KLHL6: variants seen among roughly 807,000 people sequenced by gnomAD.
KLHL6 encodes kelch like family member 6, also known as kelch-like protein 6.
In KLHL6, 41 loss-of-function variants were observed where a neutral mutation model predicts 58.6. The ratio of observed to expected loss-of-function variants is 0.70; its 90% confidence interval spans 0.55 to 0.91. KLHL6 has a LOEUF of 0.91. KLHL6 is among the 40% of genes least tolerant of loss of function. The pLI, the probability that KLHL6 is intolerant of heterozygous loss-of-function variation, is 0.00. For missense variants in KLHL6, 714 were observed against 805.6 expected (o/e 0.89, Z 1.38); for synonymous variants, 338 against 322.7 (o/e 1.05, Z -0.51).
At chr3:183,546,236 T>A (rs528768721) in intron 1 of KLHL6, among the ~76,000 whole-genome samples, 2 of 152,360 alleles carry the variant, frequency 1.3e-5, no homozygotes, top group African/African-American at 4.8e-5. Flanking sequence ...CTCTGATGCC[T>A]ATGTGACAAG....
At chr3:183,527,138 A>AG (rs1244985365) in intron 2 of KLHL6, among the ~76,000 whole-genome samples, 34 of 152,094 alleles carry the variant, frequency 2.2e-4, no homozygotes, top group Admixed American at 2.0e-3. Flanking sequence ...ACCAAAAAAA[A>AG]GGATATTAAA....
In KLHL6 at chr3:183,490,005, T is replaced by C. The variant is rs1230517639; in HGVS notation, c.*1922A>G. The C allele has an allele frequency of 5.3e-5, 8 of 152,182 alleles. No individual in the cohort carries two copies. The East Asian group carries it at 1.5e-3, about 29-fold the overall frequency. 9.4% of individuals were successfully genotyped at this position (152,182 alleles called of 1,614,324 possible). On this transcript the variant is annotated 3_prime_UTR_variant, in exon 7 of 7. Transcript: ENST00000341319. ...ATCATATGATGAAAATAAAGTCCAT[T>C]GGGTAACGCAGTTACTATGTTGTTA...
chr3:183,510,975 G>A (rs1351651518), intron 2 of KLHL6, among the ~76,000 whole-genome samples: 6 of 152,142 alleles, frequency 3.9e-5, no homozygotes, highest in Non-Finnish European at 7.3e-5. Context: ...CAGGTGGGAC[G>A]AGAGACTGAG....
intron 2 of KLHL6, among the ~76,000 whole-genome samples, chr3:183,526,838 C>G (rs1258752028): frequency 6.6e-6 from 1 of 152,168 alleles, no homozygotes; most frequent in African/African-American, 2.4e-5. Context: ...ATGGCTCATG[C>G]CTGTAATCCC....
Position 183,491,664 on chromosome 3 carries a change from G to A in KLHL6, c.*263C>T. 2.8e-6 allele frequency: 1 copy of A among 361,210 alleles called. No individual in the cohort carries two copies. Among genetic ancestry groups the A allele is most frequent in the East Asian group, 4.1e-5 (1 of 24,308 alleles). 22.4% of individuals were successfully genotyped at this position (361,210 alleles called of 1,614,324 possible). A position where few individuals can be genotyped will look rare whatever the true frequency, so the allele number is the denominator to read the frequency against. On this transcript the variant is annotated 3_prime_UTR_variant, in exon 7 of 7. Coordinates refer to ENST00000341319, the MANE Select transcript of KLHL6 (RefSeq NM_130446.4). ...ATAAAAGGAAGTGCCTGGCACAGAA[G>A]CCGGCATAGGGTGGGTGGGTCCTGA...
At chr3:183,533,525 C>A (rs140886741) in intron 1 of KLHL6, among the ~76,000 whole-genome samples, 3 of 152,030 alleles carry the variant, frequency 2.0e-5, no homozygotes, top group African/African-American at 7.2e-5. Flanking sequence ...CCTTCCTCAG[C>A]TTCCCAAAGT....
Position 183,494,245 on chromosome 3 carries a change from T to G in KLHL6, c.1184A>C (p.Asn395Thr), listed in dbSNP as rs1449820106. 6.2e-7 allele frequency: 1 copy of G among 1,614,060 alleles called. No individual in the cohort carries two copies. The highest frequency in any genetic ancestry group is 1.7e-5 in the Admixed American group (1 of 60,024). The change falls in exon 5 of 7, where the codon AAT (asparagine) becomes ACT (threonine). Residue 395 changes from asparagine (N) to threonine (T), a missense_variant. Asn to Thr is a moderately conservative substitution (Grantham distance 65). Coordinates refer to ENST00000341319, the MANE Select transcript of KLHL6 (RefSeq NM_130446.4). ...CTGAATCCACTTGTTGATCGAAGAA[T>G]TATATTTCCAAACATCATGCTGTGT... is the stretch of plus-strand genomic sequence containing the variant. ...KETQHDVWKY[N>T]SSINKWIQIE...
At chr3:183,501,271 C>G (rs879553273) in intron 3 of KLHL6, among the ~76,000 whole-genome samples, 1 of 152,222 alleles carries the variant, frequency 6.6e-6, no homozygotes, top group Non-Finnish European at 1.5e-5. Context: ...GCAATGGCAC[C>G]AAAGACAAAC....
intron 4 of KLHL6, among the ~76,000 whole-genome samples, chr3:183,498,597 C>A (rs980248241): frequency 1.3e-5 from 2 of 152,172 alleles, no homozygotes; most frequent in African/African-American, 4.8e-5. Context: ...AAAACACCTA[C>A]CTTGCAGAGT....
At chr3:183,540,035 C>T (rs938022458) in intron 1 of KLHL6, among the ~76,000 whole-genome samples, 26 of 152,282 alleles carry the variant, frequency 1.7e-4, no homozygotes, top group African/African-American at 6.3e-4. Context: ...GTTTTGTCTG[C>T]CCAACTTACT....
chr3:183,528,060 G>A (rs776825114), intron 1 of KLHL6, 50 bp from the exon 2 acceptor site: 2 of 1,602,122 alleles, frequency 1.2e-6, no homozygotes, highest in African/African-American at 1.3e-5. Flanking sequence ...CTTGGTTCCA[G>A]GCCTAAAGAG....
intron 1 of KLHL6, 91 bp downstream of exon 1, chr3:183,555,270 A>G: frequency 9.7e-7 from 1 of 1,027,242 alleles, no homozygotes; most frequent in Non-Finnish European, 1.5e-6. Flanking sequence ...CATAAATATC[A>G]TGGCCAACTG....
intron 1 of KLHL6, among the ~76,000 whole-genome samples, chr3:183,529,407 G>A (rs989870703): frequency 6.6e-6 from 1 of 151,860 alleles, no homozygotes; most frequent in Non-Finnish European, 1.5e-5. Flanking sequence ...CATTTAAACT[G>A]TTGGTCCTTC....
intron 2 of KLHL6, chr3:183,522,996 G>A (rs540511070): frequency 6.6e-6 from 1 of 152,260 alleles, no homozygotes; most frequent in South Asian, 2.1e-4. Context: ...GTAGAGACGG[G>A]GTTTCACCAT....
rs980691872 is a variant in KLHL6 at position 183,491,999 on chromosome 3, G to A, written c.1794C>T (p.His598=). ...EECVLPRGVS[H]HGSVTIRKSY... is the part of the protein sequence containing the mutation. Reference sequence around the variant, plus strand: ...ACTTCCTGATGGTGACGCTGCCGTGGTGCGACACGCCCCGGGGCAGGACGC... The same window carrying A: ...ACTTCCTGATGGTGACGCTGCCGTGATGCGACACGCCCCGGGGCAGGACGC... The change falls in exon 7 of 7, where the codon CAC becomes CAT. Residue 598 remains histidine (H), a synonymous_variant. Coordinates refer to ENST00000341319, the MANE Select transcript of KLHL6 (RefSeq NM_130446.4). The A allele has an allele frequency of 1.3e-5, 21 of 1,601,224 alleles. No individual in the cohort carries two copies. In the African/African-American group the frequency reaches 2.1e-4, roughly 16 times the overall value.
rs367856443 is a variant in KLHL6, at chr3:183,508,183, C to T, written c.785G>A (p.Arg262His). The T allele has an allele frequency of 1.7e-5, 27 of 1,614,186 alleles. No individual in the cohort carries two copies. The highest frequency in any genetic ancestry group is 1.2e-4 in the African/African-American group (9 of 75,046). The change falls in exon 3 of 7, where the codon CGC becomes CAC. Residue 262 changes from arginine to histidine, a missense_variant. Transcript: ENST00000341319. ...GTACCACGGGTCCAGAAGCGGTAAG[C>T]GCACGTTCTCGAGGACATAGGGGAG... ...CLLPYVLENV[R>H]LPLLDPWYFV...
At chr3:183,537,846 T>C (rs367665348) in intron 1 of KLHL6, among the ~76,000 whole-genome samples, 13 of 152,202 alleles carry the variant, frequency 8.5e-5, no homozygotes, top group Admixed American at 3.3e-4. Flanking sequence ...GCTCTGCACA[T>C]CCTGAAATTA....
intron 1 of KLHL6, among the ~76,000 whole-genome samples, chr3:183,542,955 T>C (rs1160266239): frequency 6.6e-6 from 1 of 152,110 alleles, no homozygotes; most frequent in Non-Finnish European, 1.5e-5. Flanking sequence ...TTCTGAAAGT[T>C]TAACATTTTG....
At chr3:183,518,690 C>T (rs1711638759) in intron 2 of KLHL6, among the ~76,000 whole-genome samples, 1 of 152,116 alleles carries the variant, frequency 6.6e-6, no homozygotes, top group African/African-American at 2.4e-5. Context: ...AGAACTTAAA[C>T]TAGAGAAGTG....
Sources: allele counts gnomAD v4.1 joint callset (sites outside exome capture counted in the v4.1 genomes callset), GRCh38; gene constraint gnomAD v4.1.1; transcripts MANE v1.5; gene names NCBI Gene and HGNC (gene_info 2026-07-23, HGNC 2026-07-21).